The following SPTBN1 variants were observed in gnomAD, a reference collection of about 807,000 sequenced individuals.
SPTBN1 encodes spectrin beta chain, non-erythrocytic 1.
In SPTBN1, 32 loss-of-function variants were observed where a neutral mutation model predicts 266.4. The ratio of observed to expected loss-of-function variants is 0.12; its 90% CI spans 0.09 to 0.16. The LOEUF is 0.16. SPTBN1 is among the 10% of genes least tolerant of loss of function. The pLI is 1.00. For missense variants in SPTBN1, 2,296 were observed against 3,067.1 expected, an observed-to-expected ratio of 0.75 and a Z score of 5.94; for synonymous variants, 1,336 against 1,162.2, an observed-to-expected ratio of 1.15 and a Z score of -3.04.
intron 4 of SPTBN1, among the ~76,000 whole-genome samples, chr2:54,614,804 A>C (rs1677484854): frequency 6.6e-6 from 1 of 152,282 alleles, no homozygotes; most frequent in East Asian, 1.9e-4. Context: ...CTCAAAAAAA[A>C]AAAAAAGTAA....
chr2:54,611,335 A>G (rs964646598), intron 3 of SPTBN1, among the ~76,000 whole-genome samples: 1 of 152,182 alleles, frequency 6.6e-6, no homozygotes, highest in African/African-American at 2.4e-5. Context: ...TTCAGGCCCA[A>G]CTAAAGGTCA....
intron 2 of SPTBN1, among the ~76,000 whole-genome samples, chr2:54,559,256 C>T (rs1263541095): frequency 6.6e-6 from 1 of 152,180 alleles, no homozygotes; most frequent in Non-Finnish European, 1.5e-5. Context: ...CCTCTTACCT[C>T]TGGGAAGCTT....
chr2:54,637,921 C>T, intron 18 of SPTBN1, 118 bp downstream of exon 18: 1 of 816,022 alleles, frequency 1.2e-6, no homozygotes, highest in East Asian at 2.7e-5. Flanking sequence ...CCATAGCACC[C>T]ATTTGACTCG....
chr2:54,524,869 T>C (rs970031603), intron 1 of SPTBN1, among the ~76,000 whole-genome samples: 1 of 152,238 alleles, frequency 6.6e-6, no homozygotes, highest in Admixed American at 6.5e-5. Context: ...CCTCTTGACA[T>C]TGAGTTCTCA....
rs1240013688 is a variant in SPTBN1 at position 54,631,289 on chromosome 2, C to G, written c.3242C>G (p.Thr1081Ser). The change falls in exon 16 of 36, where the codon ACC becomes AGC. Residue 1081 changes from threonine (T) to serine (S), a missense_variant. Coordinates refer to ENST00000356805, the MANE Select transcript of SPTBN1 (RefSeq NM_003128.3). Reference protein sequence around the residue: ...LDDFQSWLSRTQTAIASEDMP... With the variant: ...LDDFQSWLSRSQTAIASEDMP... Reference sequence around the variant, plus strand: ...GACTTCCAGTCCTGGCTCTCTAGGACCCAGACAGCGATCGCCTCGGAGGAC... The same window carrying G: ...GACTTCCAGTCCTGGCTCTCTAGGAGCCAGACAGCGATCGCCTCGGAGGAC... 6.2e-7 allele frequency: 1 copy of G among 1,614,190 alleles called. No homozygotes were observed. Among genetic ancestry groups the G allele is most frequent in the Non-Finnish European group, 8.5e-7 (1 of 1,180,014 alleles).
chr2:54,529,227 G>A (rs115643541), intron 2 of SPTBN1: 10 of 365,982 alleles, frequency 2.7e-5, no homozygotes, highest in African/African-American at 1.9e-4. Flanking sequence ...TGGTCATCCA[G>A]TCCCCTTCCT....
intron 19 of SPTBN1, 39 bp from the exon 20 acceptor site, chr2:54,644,284 A>C (rs772092144): frequency 1.9e-6 from 3 of 1,580,326 alleles, no homozygotes; most frequent in African/African-American, 2.7e-5. Flanking sequence ...TTCTGTAGCA[A>C]ACTTGTTTAT....
intron 1 of SPTBN1, among the ~76,000 whole-genome samples, chr2:54,525,984 G>A (rs1290325698): frequency 6.6e-6 from 1 of 152,072 alleles, no homozygotes; most frequent in South Asian, 2.1e-4. Context: ...TGCCCACCTC[G>A]GCCTCCTAAA....
At chr2:54,510,309 C>T (rs757330668) in intron 1 of SPTBN1, among the ~76,000 whole-genome samples, 10 of 152,078 alleles carry the variant, frequency 6.6e-5, no homozygotes, top group South Asian at 4.2e-4. Context: ...CCATTATGAC[C>T]GCACTTAACC....
intron 2 of SPTBN1, among the ~76,000 whole-genome samples, chr2:54,597,856 G>T (rs1408388887): frequency 1.5e-5 from 2 of 136,010 alleles, no homozygotes; most frequent in African/African-American, 5.5e-5. Flanking sequence ...CCAAATTGTT[G>T]AGCTATCTGC....
chr2:54,561,139 T>C (rs6545430), intron 2 of SPTBN1, among the ~76,000 whole-genome samples: 44,986 of 152,062 alleles, frequency 0.3, 9,556 homozygotes, highest in African/African-American at 0.61. Flanking sequence ...TGAAACTGTA[T>C]TGGGTTTTTT....
intron 1 of SPTBN1, among the ~76,000 whole-genome samples, chr2:54,525,551 G>A (rs1670754250): frequency 6.6e-6 from 1 of 152,044 alleles, no homozygotes; most frequent in Admixed American, 6.5e-5. Flanking sequence ...TTAATCTTAA[G>A]CATCAGTTTT....
intron 1 of SPTBN1, among the ~76,000 whole-genome samples, chr2:54,497,653 G>T (rs1337611431): frequency 6.6e-6 from 1 of 152,146 alleles, no homozygotes; most frequent in African/African-American, 2.4e-5. Flanking sequence ...TAACTCCCCA[G>T]GGACAGCTCA....
intron 2 of SPTBN1, among the ~76,000 whole-genome samples, chr2:54,568,370 A>T (rs13386137): frequency 2.2e-5 from 3 of 136,336 alleles, no homozygotes; most frequent in Non-Finnish European, 4.9e-5. Flanking sequence ...AAAAAAAAAA[A>T]AAGAAGAAGA....
chr2:54,585,574 T>C (rs1675235572), intron 2 of SPTBN1, among the ~76,000 whole-genome samples: 1 of 152,244 alleles, frequency 6.6e-6, no homozygotes, highest in Admixed American at 6.5e-5. Flanking sequence ...GAAGTGTTTT[T>C]CAGTGTTTGA....
At chr2:54,587,500 A>G (rs1208317101) in intron 2 of SPTBN1, among the ~76,000 whole-genome samples, 1 of 152,136 alleles carries the variant, frequency 6.6e-6, no homozygotes, top group African/African-American at 2.4e-5. Flanking sequence ...AGTGTATGGT[A>G]TCTATTTAGT....
intron 1 of SPTBN1, among the ~76,000 whole-genome samples, chr2:54,498,430 G>C (rs532934288): frequency 1.3e-5 from 2 of 152,168 alleles, no homozygotes; most frequent in African/African-American, 2.4e-5. Context: ...TCAAATTCCA[G>C]CTTCACTATC....
intron 2 of SPTBN1, among the ~76,000 whole-genome samples, chr2:54,530,353 C>CTTGTT (rs1671145463): frequency 1.4e-5 from 1 of 73,882 alleles, no homozygotes; most frequent in Non-Finnish European, 2.4e-5. Flanking sequence ...TTGTAAAAAA[C>CTTGTT]TTTTTTTTTT....
At chr2:54,593,895 A>G (rs1257909411) in intron 2 of SPTBN1, among the ~76,000 whole-genome samples, 3 of 123,504 alleles carry the variant, frequency 2.4e-5, no homozygotes, top group Non-Finnish European at 4.7e-5. Flanking sequence ...GTGCGGTGGC[A>G]TGATCTTGGC....
Sources: gnomAD v4.1 joint callset for allele counts (sites outside exome capture counted in the v4.1 genomes callset) on GRCh38, gnomAD v4.1.1 for gene constraint, MANE v1.5 for transcripts, NCBI Gene and HGNC (gene_info 2026-07-23, HGNC 2026-07-21) for gene names.